BPTF: variants seen among roughly 807,000 people sequenced by gnomAD.
BPTF encodes bromodomain PHD finger transcription factor.
In BPTF, 18 loss-of-function variants were observed where a neutral mutation model predicts 292.5. The observed-to-expected ratio is 0.06, with a 90% confidence interval of 0.04 to 0.09. BPTF has a LOEUF of 0.09. Among genes scored for constraint, BPTF ranks in the 10% least tolerant of loss-of-function variants. The pLI is 1.00. For missense variants in BPTF, 2,726 were observed against 3,498.7 expected (o/e 0.78, Z 5.57); for synonymous variants, 1,225 against 1,251.9 (o/e 0.98, Z 0.45).
chr17:67,943,104 C>T (rs191271120), intron 19 of BPTF, among the ~76,000 whole-genome samples: 8 of 152,152 alleles, frequency 5.3e-5, no homozygotes, highest in African/African-American at 1.9e-4. Flanking sequence ...TAGTGCTTAC[C>T]TCTAGGGGAG....
intron 1 of BPTF, among the ~76,000 whole-genome samples, chr17:67,844,494 G>T (rs952089687): frequency 2.0e-5 from 3 of 151,106 alleles, no homozygotes; most frequent in African/African-American, 7.3e-5. Flanking sequence ...TGATCCGCCC[G>T]CCTTGGCCTC....
chr17:67,969,452 CAAAAAAAA>C (rs11360473), intron 26 of BPTF, among the ~76,000 whole-genome samples: 8 of 47,972 alleles, frequency 1.7e-4, no homozygotes, highest in Admixed American at 8.4e-4. Context: ...ACTCTGTCTC[CAAAAAAAA>C]AAAAAAAAAA....
intron 25 of BPTF, chr17:67,965,657 G>C (rs1369363367): frequency 6.6e-6 from 1 of 151,924 alleles, no homozygotes; most frequent in African/African-American, 2.4e-5. Flanking sequence ...AGCCAAGATC[G>C]AGCCACGGCA....
chr17:67,886,044 A>T, intron 4 of BPTF: 1 of 1,047,170 alleles, frequency 9.5e-7, no homozygotes, highest in South Asian at 1.8e-5. Context: ...TTCTTAATGA[A>T]ATCCTAAAAC....
Position 67,940,588 on chromosome 17 carries a change from C to T in BPTF, c.6409C>T (p.Pro2137Ser), listed in dbSNP as rs200697649. Reference protein sequence around the residue: ...TSNIQSSASQPPRPQQGQVKL... With the variant: ...TSNIQSSASQSPRPQQGQVKL... Reference sequence around the variant, plus strand: ...AAATATACAGTCTTCAGCCTCACAACCCCCTCGCCCCCAACAAGGACAAGT... The same window carrying T: ...AAATATACAGTCTTCAGCCTCACAATCCCCTCGCCCCCAACAAGGACAAGT... The change falls in exon 19 of 28, where the codon CCC becomes TCC. Residue 2137 changes from proline to serine, a missense_variant. Coordinates refer to ENST00000306378, the MANE Select transcript of BPTF (RefSeq NM_182641.4). The T allele has an allele frequency of 1.2e-6, 2 of 1,614,138 alleles. No individual in the cohort carries two copies. Among genetic ancestry groups the T allele is most frequent in the Non-Finnish European group, 1.7e-6 (2 of 1,180,024 alleles).
intron 1 of BPTF, among the ~76,000 whole-genome samples, chr17:67,837,838 C>G (rs149018701): frequency 6.6e-6 from 1 of 152,172 alleles, no homozygotes; most frequent in Admixed American, 6.5e-5. Flanking sequence ...CACTCACTTG[C>G]GATGTGATAT....
At chr17:67,871,700 T>C (rs1268138760) in intron 3 of BPTF, among the ~76,000 whole-genome samples, 1 of 152,222 alleles carries the variant, frequency 6.6e-6, no homozygotes, top group Non-Finnish European at 1.5e-5. Flanking sequence ...AAGTATAGAA[T>C]ATACTTGTTG....
In BPTF at chr17:67,964,313, A is replaced by G. The variant is rs2148388561; in HGVS notation, c.8363A>G (p.Gln2788Arg). 6.2e-7 allele frequency: 1 copy of G among 1,614,218 alleles called. No homozygotes were observed. Among genetic ancestry groups the G allele is most frequent in the Non-Finnish European group, 8.5e-7 (1 of 1,180,042 alleles). The change falls in exon 25 of 28, where the codon CAG (glutamine) becomes CGG (arginine). Residue 2788 changes from glutamine (Q) to arginine (R), a missense_variant. Gln to Arg is a conservative substitution (Grantham distance 43). Around this residue, in one of 22 missense-constraint regions of BPTF, gnomAD observed 48 missense variants for 114.2 expected, o/e 0.42. Coordinates refer to ENST00000306378, the MANE Select transcript of BPTF (RefSeq NM_182641.4). ...CTCATTGATGAGTATGTCTGTCCAC[A>G]GTGCCAGTCAACAGAGGATGCCATG... is the stretch of plus-strand genomic sequence containing the variant. ...AELIDEYVCP[Q>R]CQSTEDAMTV...
chr17:67,944,310 C>T lies in BPTF; in HGVS notation c.6638C>T (p.Pro2213Leu). ...ACTGTTCAGCGATTCCTCTTTACCC[C>T]ATTGGCAACAACAGCCACCACAGCC... ...NGTVQRFLFT[P>L]LATTATTAST... is the part of the protein sequence containing the mutation. The change falls in exon 20 of 28, where the codon CCA becomes CTA. Residue 2213 changes from proline to leucine, a missense_variant. Pro to Leu is a moderately conservative substitution (Grantham distance 98, BLOSUM62 -3). This residue lies in a region of BPTF where 570 missense variants were observed against 633.5 expected (regional missense o/e 0.90). Transcript: ENST00000306378. 6.2e-7 allele frequency: 1 copy of T among 1,614,120 alleles called. No homozygotes were observed. The highest frequency in any genetic ancestry group is 8.5e-7 in the Non-Finnish European group (1 of 1,180,036).
chr17:67,930,294 G>A (rs2064264086), intron 17 of BPTF, among the ~76,000 whole-genome samples: 1 of 152,004 alleles, frequency 6.6e-6, no homozygotes, highest in African/African-American at 2.4e-5. Context: ...CACCTCCTGG[G>A]TTCAAGCGAT....
At chr17:67,899,585 C>T (rs543914126) in intron 7 of BPTF, among the ~76,000 whole-genome samples, 1 of 145,570 alleles carries the variant, frequency 6.9e-6, no homozygotes, top group Non-Finnish European at 1.5e-5. Context: ...GGCTGGAGTG[C>T]AGTGGTGCAA....
intron 2 of BPTF, among the ~76,000 whole-genome samples, chr17:67,856,647 C>A (rs1169767563): frequency 6.6e-6 from 1 of 152,114 alleles, no homozygotes; most frequent in East Asian, 1.9e-4. Flanking sequence ...TGAGGTCTGT[C>A]CTCGAGAGTA....
chr17:67,912,199 A>C lies in BPTF; in HGVS notation c.4315A>C (p.Lys1439Gln), dbSNP rs1317531651. ...SRVVSGNVEP[K>Q]VNNINKIIPE... ...AGTAGTAAGTGGTAATGTTGAACCA[A>C]AGGTTAATAATATAAATAAAATAAT... The change falls in exon 11 of 28, where the codon AAG becomes CAG. Residue 1439 changes from lysine (K) to glutamine (Q), a missense_variant. Lys to Gln is a moderately conservative substitution (Grantham distance 53). Coordinates refer to ENST00000306378, the MANE Select transcript of BPTF (RefSeq NM_182641.4). 1 of 1,609,832 alleles carries C rather than the reference A, an allele frequency of 6.2e-7. No homozygotes were observed. Among genetic ancestry groups the C allele is most frequent in the African/African-American group, 1.3e-5 (1 of 74,712 alleles).
At chr17:67,966,709 A>C in intron 26 of BPTF, 53 bp downstream of exon 26, 1 of 1,353,896 alleles carries the variant, frequency 7.4e-7, no homozygotes, top group Non-Finnish European at 9.9e-7. Context: ...TGGATGTTTT[A>C]TTATCCATAA....
intron 4 of BPTF, among the ~76,000 whole-genome samples, chr17:67,883,001 T>TAAA (rs886889170): frequency 1.3e-4 from 12 of 94,670 alleles, no homozygotes; most frequent in Admixed American, 4.9e-4. Flanking sequence ...AGACGTTGTC[T>TAAA]AAAAAAAAAA....
In BPTF at chr17:67,874,812, T is replaced by G. The variant is rs2059957623; in HGVS notation, c.1661-5T>G. On this transcript the variant is annotated splice_polypyrimidine_tract_variant and splice_region_variant and intron_variant, in intron 3 of 27. Transcript: ENST00000306378. ...TAATTTTTTTGTTTGTTTTACACAT[T>G]ATAGAAGAAATTTTGGAATCCATAA... is the stretch of plus-strand genomic sequence containing the variant. 1 of 1,599,416 alleles carries G rather than the reference T, an allele frequency of 6.3e-7. No individual in the cohort carries two copies. The highest frequency in any genetic ancestry group is 1.1e-5 in the South Asian group (1 of 89,004).
intron 18 of BPTF, among the ~76,000 whole-genome samples, chr17:67,933,784 CG>C (rs2064646433): frequency 6.6e-6 from 1 of 152,136 alleles, no homozygotes; most frequent in Admixed American, 6.5e-5. Flanking sequence ...TTAACCCAGG[CG>C]CAGTGGCTCA....
chr17:67,862,659 T>C (rs1460346252), intron 2 of BPTF, among the ~76,000 whole-genome samples: 2 of 152,128 alleles, frequency 1.3e-5, no homozygotes, highest in Non-Finnish European at 2.9e-5. Flanking sequence ...GCAGCTGCTA[T>C]AACAAAGTAC....
At chr17:67,846,577 C>T (rs1428758203) in intron 1 of BPTF, among the ~76,000 whole-genome samples, 1 of 152,202 alleles carries the variant, frequency 6.6e-6, no homozygotes, top group African/African-American at 2.4e-5. Flanking sequence ...TGTCATTTCT[C>T]CCACCTGCAC....
Sources: allele counts gnomAD v4.1 joint callset (sites outside exome capture counted in the v4.1 genomes callset), GRCh38; gene constraint gnomAD v4.1.1; regional missense constraint gnomAD v4.1.1; transcripts MANE v1.5; gene names NCBI Gene and HGNC (gene_info 2026-07-23, HGNC 2026-07-21).